GABRB3: variants seen among roughly 807,000 people sequenced by gnomAD.
The protein encoded by GABRB3 is gamma-aminobutyric acid receptor subunit beta-3.
A neutral mutation model predicts 52.1 loss-of-function variants in GABRB3; 14 were observed. The ratio of observed to expected loss-of-function variants is 0.27; its 90% CI spans 0.18 to 0.42. The LOEUF (loss-of-function observed/expected upper bound fraction) is 0.42, where lower values mean the gene tolerates loss of function less well. Ranked by LOEUF, GABRB3 falls within the 10% of genes least tolerant of loss-of-function variation. GABRB3 has a pLI of 1.00. For synonymous variants in GABRB3, 260 were observed against 232.3 expected (o/e 1.12, Z -1.08); for missense variants, 307 against 609.1 (o/e 0.50, Z 5.22).
chr15:26,558,712 G>A (rs1889851154), intron 8 of GABRB3, among the ~76,000 whole-genome samples: 1 of 152,092 alleles, frequency 6.6e-6, no homozygotes, highest in African/African-American at 2.4e-5. Flanking sequence ...AGACCAGCCT[G>A]GCCAACATGG....
At chr15:26,586,975 C>A (rs1169740179) in intron 4 of GABRB3, among the ~76,000 whole-genome samples, 1 of 152,098 alleles carries the variant, frequency 6.6e-6, no homozygotes, top group Non-Finnish European at 1.5e-5. Context: ...CATTCTATTG[C>A]AGAACATGGT....
At chr15:26,597,920 G>A (rs1891455224) in intron 4 of GABRB3, among the ~76,000 whole-genome samples, 1 of 152,182 alleles carries the variant, frequency 6.6e-6, no homozygotes, top group African/African-American at 2.4e-5. Flanking sequence ...GAAAGTAGAA[G>A]GCAGAGAGGT....
intron 3 of GABRB3, among the ~76,000 whole-genome samples, chr15:26,644,653 G>A (rs1366749536): frequency 6.6e-6 from 1 of 152,204 alleles, no homozygotes; most frequent in East Asian, 1.9e-4. Flanking sequence ...CACGGTCTGT[G>A]GTACATTGCC....
chr15:26,755,749 C>A (rs1566831037), intron 3 of GABRB3, among the ~76,000 whole-genome samples: 1 of 152,098 alleles, frequency 6.6e-6, no homozygotes, highest in Non-Finnish European at 1.5e-5. Context: ...GATAAAAAAC[C>A]TGAAAACAAT....
intron 3 of GABRB3, among the ~76,000 whole-genome samples, chr15:26,684,177 C>T (rs1888329170): frequency 6.6e-6 from 1 of 152,094 alleles, no homozygotes; most frequent in South Asian, 2.1e-4. Context: ...TCAGGACGTC[C>T]CCTGAAGACC....
chr15:26,554,176 G>GTATATATATATACTATATATATATATA (rs1889645586), intron 8 of GABRB3, among the ~76,000 whole-genome samples: 2 of 27,334 alleles, frequency 7.3e-5, no homozygotes, highest in Non-Finnish European at 1.5e-4. Flanking sequence ...TATATATAAA[G>GTATATATATATACTATATATATATATA]TATATATATA....
At chr15:26,582,347 C>T (rs937780507) in intron 5 of GABRB3, among the ~76,000 whole-genome samples, 2 of 152,230 alleles carry the variant, frequency 1.3e-5, no homozygotes, top group African/African-American at 4.8e-5. Context: ...TGGAGTTGTG[C>T]TCTCTGGCCA....
At chr15:26,674,011 G>A (rs1887978286) in intron 3 of GABRB3, among the ~76,000 whole-genome samples, 2 of 152,068 alleles carry the variant, frequency 1.3e-5, no homozygotes, top group South Asian at 4.2e-4. Context: ...ACTGTTTCAG[G>A]AGTGTGTACA....
chr15:26,667,793 C>A (rs147654052), intron 3 of GABRB3, among the ~76,000 whole-genome samples: 1 of 152,254 alleles, frequency 6.6e-6, no homozygotes, highest in East Asian at 1.9e-4. Flanking sequence ...GGCTGGGATG[C>A]AGCCAGCTGT....
At chr15:26,724,241 C>T (rs74004655) in intron 3 of GABRB3, among the ~76,000 whole-genome samples, 3,453 of 152,162 alleles carry the variant, frequency 0.023, 125 homozygotes, top group African/African-American at 0.08. Context: ...TCAGTGGATC[C>T]TCTCTCCTCC....
chr15:26,702,260 A>G (rs1388204000), intron 3 of GABRB3, among the ~76,000 whole-genome samples: 1 of 152,252 alleles, frequency 6.6e-6, no homozygotes, highest in Non-Finnish European at 1.5e-5. Flanking sequence ...CTTTTGAAAC[A>G]TACAGTACAC....
chr15:26,772,183 C>A (rs1313943083), intron 3 of GABRB3: 7 of 467,598 alleles, frequency 1.5e-5, no homozygotes, highest in Non-Finnish European at 2.6e-5. Context: ...AGGAAGGGTG[C>A]GCCCTCGCGG....
intron 3 of GABRB3, among the ~76,000 whole-genome samples, chr15:26,689,672 T>C (rs59755745): frequency 6.6e-6 from 1 of 151,964 alleles, no homozygotes; most frequent in East Asian, 2.0e-4. Context: ...TGTGCATCCA[T>C]GTCAACCAAC....
intron 4 of GABRB3, among the ~76,000 whole-genome samples, chr15:26,609,381 C>T (rs544303156): frequency 3.3e-5 from 5 of 152,116 alleles, no homozygotes; most frequent in East Asian, 1.9e-4. Flanking sequence ...AGCATATCTT[C>T]GAACGTAGAT....
chr15:26,559,865 C>T (rs888328728), intron 8 of GABRB3, among the ~76,000 whole-genome samples: 3 of 152,204 alleles, frequency 2.0e-5, no homozygotes, highest in East Asian at 3.9e-4. Flanking sequence ...GCCAGGGCCA[C>T]GGCAGATCTA....
chr15:26,686,396 T>G (rs745415507), intron 3 of GABRB3, among the ~76,000 whole-genome samples: 1 of 152,232 alleles, frequency 6.6e-6, no homozygotes, highest in African/African-American at 2.4e-5. Flanking sequence ...ACCTCTTTGC[T>G]GTTGTTGAGA....
chr15:26,670,447 C>T (rs1050131554), intron 3 of GABRB3, among the ~76,000 whole-genome samples: 1 of 152,104 alleles, frequency 6.6e-6, no homozygotes, highest in South Asian at 2.1e-4. Context: ...GGAGGCTGGG[C>T]GCAGAGGTGG....
chr15:26,713,370 G>A (rs1370764565), intron 3 of GABRB3, among the ~76,000 whole-genome samples: 2 of 152,172 alleles, frequency 1.3e-5, no homozygotes, highest in African/African-American at 4.8e-5. Flanking sequence ...AGAGGCAGAG[G>A]ATGGACAGGC....
At chr15:26,566,623 G>A (rs1890186405) in intron 7 of GABRB3, among the ~76,000 whole-genome samples, 1 of 152,094 alleles carries the variant, frequency 6.6e-6, no homozygotes, top group Non-Finnish European at 1.5e-5. Context: ...CTGTCCAGGA[G>A]GTAGAGTTGA....
Sources: gnomAD v4.1 joint callset for allele counts (sites outside exome capture counted in the v4.1 genomes callset) on GRCh38, gnomAD v4.1.1 for gene constraint, MANE v1.5 for transcripts, NCBI Gene and HGNC (gene_info 2026-07-23, HGNC 2026-07-21) for gene names.